UNKL: variants seen among roughly 807,000 people sequenced by gnomAD.
UNKL encodes putative E3 ubiquitin-protein ligase UNKL.
In UNKL, 60 loss-of-function variants were observed where a neutral mutation model predicts 78.0. The observed-to-expected ratio is 0.77, with a 90% confidence interval of 0.63 to 0.95. The LOEUF is 0.95. Among genes scored for constraint, UNKL ranks in the 40% least tolerant of loss-of-function variants. The probability of loss-of-function intolerance (pLI) is 0.00; values close to 1 mark genes in which losing one functional copy is unlikely to be tolerated. For synonymous variants in UNKL, 608 were observed against 474.8 expected (o/e 1.28, Z -3.65); for missense variants, 1,159 against 1,045.7 (o/e 1.11, Z -1.49).
chr16:1,401,530 C>A lies in UNKL; in HGVS notation c.598+38G>T, dbSNP rs768674554. On this transcript the variant is annotated intron_variant, in intron 4 of 14. Transcript: ENST00000389221. The stretch of plus-strand genomic sequence containing the variant: ...GAGCTGTTCTCGCGCTGTGCCCGCC[C>A]CCCCCACCACCGCCCTCAGCTGCGG... 48 of 1,481,654 alleles carry A rather than the reference C, an allele frequency of 3.2e-5. 1 individual carries two copies. The highest frequency in any genetic ancestry group is 1.9e-4 in the Admixed American group (9 of 46,306). 91.8% of individuals were successfully genotyped at this position (1,481,654 alleles called of 1,614,324 possible). A position where few individuals can be genotyped will look rare whatever the true frequency, so the allele number is the denominator to read the frequency against.
intron 2 of UNKL, among the ~76,000 whole-genome samples, chr16:1,413,432 G>C (rs1171999045): frequency 5.9e-5 from 9 of 152,040 alleles, no homozygotes; most frequent in African/African-American, 1.9e-4. Context: ...GCTGGGCATG[G>C]TGGCACATGC....
In UNKL at chr16:1,413,936, AG is replaced by A; in HGVS notation, c.196del (p.Leu66SerfsTer67). On this transcript the variant is annotated frameshift_variant, in exon 2 of 15. Coordinates refer to ENST00000389221, the MANE Select transcript of UNKL (RefSeq NM_001372107.1). LOFTEE classifies it high-confidence loss of function. ...GTTGAAGGTGCCGTCGCGCCTGCGG[AG>A]GGGCCTGCGGCGCCGCTGGTTGAGG... is the stretch of plus-strand genomic sequence containing the variant. ...HFLNQRRRRP[L>X]RRRDGTFNYS... The A allele has an allele frequency of 6.4e-7, 1 of 1,554,668 alleles. No individual in the cohort carries two copies. Among genetic ancestry groups the A allele is most frequent in the Non-Finnish European group, 8.7e-7 (1 of 1,149,324 alleles).
chr16:1,370,932 A>G (rs1374450990), intron 11 of UNKL, among the ~76,000 whole-genome samples: 1 of 151,822 alleles, frequency 6.6e-6, no homozygotes, highest in African/African-American at 2.4e-5. Context: ...AAATACAAAA[A>G]ATTAGCTGGG....
chr16:1,400,878 A>G lies in UNKL; in HGVS notation c.598+690T>C, dbSNP rs937461279. On this transcript the variant is annotated intron_variant, in intron 4 of 14. Transcript: ENST00000389221. Reference sequence around the variant, plus strand: ...AATTTTTTGTATTTTTAGCAGAGACATGGTTTCACCATGTTGGCCAGGCTG... The same window carrying G: ...AATTTTTTGTATTTTTAGCAGAGACGTGGTTTCACCATGTTGGCCAGGCTG... Among the ~76,000 whole-genome samples, 9 of 152,022 alleles carry G rather than the reference A, an allele frequency of 5.9e-5. 1 individual carries two copies. The highest frequency in any genetic ancestry group is 2.1e-4 in the South Asian group (1 of 4,802).
At chr16:1,405,676 T>C (rs1418169913) in intron 2 of UNKL, among the ~76,000 whole-genome samples, 1 of 151,530 alleles carries the variant, frequency 6.6e-6, no homozygotes, top group African/African-American at 2.4e-5. Context: ...CACAGAGCCA[T>C]TGCTCACGGA....
chr16:1,395,650 C>G (rs544366981), intron 6 of UNKL: 3 of 452,520 alleles, frequency 6.6e-6, no homozygotes, highest in South Asian at 4.7e-5. Flanking sequence ...TTACCTGGGG[C>G]GGGGCCCAGG....
At position 1,399,872 on chromosome 16, in the gene UNKL, G is replaced by A. The variant is rs776727989; in HGVS notation, c.599-363C>T. Among the ~76,000 whole-genome samples, 4 of 152,162 alleles carry A rather than the reference G, an allele frequency of 2.6e-5. No individual in the cohort carries two copies. The highest frequency in any genetic ancestry group is 5.9e-5 in the Non-Finnish European group (4 of 68,044). ...ACTAGAGAGAGGTGATGTGTGCACAGCTTTTGAGAATATGCTAAAATCCAG... is the reference window on the plus strand; with the variant it reads ...ACTAGAGAGAGGTGATGTGTGCACAACTTTTGAGAATATGCTAAAATCCAG... On this transcript the variant is annotated intron_variant, in intron 4 of 14. Transcript: ENST00000389221. This position sits in a 1 kb window ranked among gnomAD's most constrained non-coding sequence, Gnocchi z 5.8.
At chr16:1,398,755 C>A in intron 5 of UNKL, 1 of 1,499,760 alleles carries the variant, frequency 6.7e-7, no homozygotes, top group Non-Finnish European at 8.9e-7. Context: ...GAAGGCCGGG[C>A]TGGAGCAAGG....
In UNKL at chr16:1,398,840, G is replaced by C. The variant is rs140096979; in HGVS notation, c.734+534C>G. 5.1e-5 allele frequency: 80 copies of C among 1,564,492 alleles called. No homozygotes were observed. The African/African-American group carries it at 1.1e-3, about 21-fold the overall frequency. On this transcript the variant is annotated intron_variant, in intron 5 of 14. Transcript: ENST00000389221. ...AAGCCAGACCCAGGGGACAGCTGGG[G>C]CTCAGGCGGTGGAGGAAGGTCCTGT...
chr16:1,398,644 C>A (rs1352315074), intron 5 of UNKL: 6 of 1,442,862 alleles, frequency 4.2e-6, no homozygotes, highest in Non-Finnish European at 5.4e-6. Flanking sequence ...GAGGCCAAGG[C>A]CATGGCCCAG....
intron 2 of UNKL, 74 bp downstream of exon 2, chr16:1,413,772 G>A: frequency 2.8e-6 from 4 of 1,435,456 alleles, no homozygotes; most frequent in Non-Finnish European, 3.7e-6. Flanking sequence ...CGTCCGCTGA[G>A]GGTCCCGGCC....
rs750717189 is a variant in UNKL, at chr16:1,370,310, G to GGGAGCCGGGGATGGCGACAGGTGC, written c.1381_1404dup (p.Ala461_Ser468dup). The GGGAGCCGGGGATGGCGACAGGTGC allele has an allele frequency of 3.5e-5, 54 of 1,533,618 alleles. No individual in the cohort carries two copies. Among genetic ancestry groups the GGGAGCCGGGGATGGCGACAGGTGC allele is most frequent in the Admixed American group, 2.0e-5 (1 of 50,600 alleles). On this transcript the variant is annotated inframe_insertion, in exon 12 of 15. Coordinates refer to ENST00000389221, the MANE Select transcript of UNKL (RefSeq NM_001372107.1). ...GAGTGTAGCGATGGTGCTCTGGGCAGGGAGCCGGGGATGGCGACAGGTGCA... is the reference window on the plus strand; with the variant it reads ...GAGTGTAGCGATGGTGCTCTGGGCAGGGAGCCGGGGATGGCGACAGGTGCGGAGCCGGGGATGGCGACAGGTGCA...
intron 10 of UNKL, among the ~76,000 whole-genome samples, chr16:1,381,935 C>T (rs1295791869): frequency 6.6e-6 from 1 of 152,078 alleles, no homozygotes; most frequent in Non-Finnish European, 1.5e-5. Flanking sequence ...AGGGCAAGAC[C>T]CTGTCTTAAA....
At chr16:1,414,493 C>T (rs1002344288) in intron 1 of UNKL, 122 bp downstream of exon 1, 6 of 201,270 alleles carry the variant, frequency 3.0e-5, no homozygotes, top group Non-Finnish European at 5.3e-5. Flanking sequence ...GTGGCCCCCC[C>T]AGCCCAGGCG....
At position 1,390,662 on chromosome 16, in the gene UNKL, G is replaced by A. The variant is rs1215807620; in HGVS notation, c.1056C>T (p.Gly352=). ...TGCTGTCTTGCTCGCTGCCCCTAGG[G>A]CCACCCTCGGCCGGCGAGTCTCTCC... ...AKRRDSPAEG[G]PRGSEQDSKQ... The change falls in exon 9 of 15, where the codon GGC becomes GGT. Residue 352 remains glycine, a synonymous_variant. Coordinates refer to ENST00000389221, the MANE Select transcript of UNKL (RefSeq NM_001372107.1). 2 of 1,536,076 alleles carry A rather than the reference G, an allele frequency of 1.3e-6. No homozygotes were observed. Among genetic ancestry groups the A allele is most frequent in the Non-Finnish European group, 1.7e-6 (2 of 1,146,894 alleles).
intron 8 of UNKL, among the ~76,000 whole-genome samples, chr16:1,392,040 G>A (rs762778572): frequency 6.6e-5 from 10 of 152,158 alleles, no homozygotes; most frequent in East Asian, 1.9e-4. Flanking sequence ...GGGTTGGTCC[G>A]TGTGAAGGCA....
At chr16:1,367,060 T>C (rs1174868394) in intron 14 of UNKL, 32 bp downstream of exon 14, 1 of 1,489,850 alleles carries the variant, frequency 6.7e-7, no homozygotes, top group Non-Finnish European at 8.9e-7. Flanking sequence ...GCAGGCAGGC[T>C]GGCCCCTCAC....
chr16:1,371,448 G>T, intron 11 of UNKL, 71 bp downstream of exon 11: 1 of 1,471,932 alleles, frequency 6.8e-7, no homozygotes, highest in South Asian at 1.2e-5. Context: ...GGGCTCAAGC[G>T]ATCCTCCGGC....
chr16:1,385,130 T>G, intron 10 of UNKL, 78 bp downstream of exon 10: 1 of 1,094,422 alleles, frequency 9.1e-7, no homozygotes, highest in Admixed American at 4.3e-5. Flanking sequence ...TGTCCTGAAA[T>G]AGAAGCGCTG....
Sources: gnomAD v4.1 joint callset for allele counts (sites outside exome capture counted in the v4.1 genomes callset) on GRCh38, gnomAD v4.1.1 for gene constraint, Gnocchi (gnomAD v3.1) non-coding constraint, MANE v1.5 for transcripts, NCBI Gene and HGNC (gene_info 2026-07-23, HGNC 2026-07-21) for gene names.